PTPRQ: variants seen among roughly 807,000 people sequenced by gnomAD.
The protein encoded by PTPRQ is phosphatidylinositol phosphatase PTPRQ.
In PTPRQ, 199 loss-of-function variants were observed where a neutral mutation model predicts 246.0. The observed-to-expected ratio is 0.81, with a 90% CI of 0.72 to 0.91. PTPRQ has a LOEUF of 0.91. PTPRQ is among the 40% of genes least tolerant of loss of function. The pLI, the probability that PTPRQ is intolerant of heterozygous loss-of-function variation, is 0.00. For synonymous variants in PTPRQ, 869 were observed against 853.2 expected (o/e 1.02, Z -0.32); for missense variants, 2,624 against 2,528.4 (o/e 1.04, Z -0.81).
chr12:80,484,543 A>T lies in PTPRQ; in HGVS notation c.1297A>T (p.Lys433Ter). The T allele has an allele frequency of 6.4e-7, 1 of 1,551,200 alleles. No homozygotes were observed. Among genetic ancestry groups the T allele is most frequent in the South Asian group, 1.2e-5 (1 of 83,948 alleles). The change falls in exon 9 of 45, where the codon AAA becomes TAA. Residue 433 changes from lysine to a stop codon, truncating the protein, a stop_gained. Coordinates refer to ENST00000644991, the MANE Select transcript of PTPRQ (RefSeq NM_001145026.2). LOFTEE classifies it high-confidence loss of function. ...PNGIINQYRV[K>*]VLVPETGIIL... ...TGGAATTATTAACCAATACCGAGTG[A>T]AAGTGCTAGTTCCAGAGACAGGAAT...
rs118082028 is a variant in PTPRQ at position 80,626,707 on chromosome 12, C to G, written c.5686+4573C>G. On this transcript the variant is annotated intron_variant, in intron 33 of 44. Coordinates refer to ENST00000644991, the MANE Select transcript of PTPRQ (RefSeq NM_001145026.2). ...GTACTTGTAACCACTGCACACACTA[C>G]CTGCAAATCACTAAGTCCCCAAGTA... 2.6e-5 allele frequency among the ~76,000 whole-genome samples: 4 copies of G among 152,272 alleles called. No homozygotes were observed. In the East Asian group the frequency reaches 7.7e-4, roughly 29 times the overall value.
At chr12:80,616,532 A>G (rs1328625540) in intron 30 of PTPRQ, among the ~76,000 whole-genome samples, 3 of 151,102 alleles carry the variant, frequency 2.0e-5, no homozygotes, top group Non-Finnish European at 4.4e-5. Context: ...TTTTAAAGAC[A>G]AATTTTATAG....
chr12:80,620,476 G>A, intron 32 of PTPRQ, 100 bp downstream of exon 32: 1 of 1,486,402 alleles, frequency 6.7e-7, no homozygotes, highest in East Asian at 2.5e-5. Flanking sequence ...ATAAGCACTG[G>A]ATGTCCGCCA....
At chr12:80,625,793 G>T (rs530771059) in intron 33 of PTPRQ, among the ~76,000 whole-genome samples, 87 of 152,082 alleles carry the variant, frequency 5.7e-4, no homozygotes, top group African/African-American at 2.0e-3. Context: ...ATTTGATTTC[G>T]TTTTTACTCA....
At chr12:80,518,663 A>G (rs1359810252) in intron 17 of PTPRQ, among the ~76,000 whole-genome samples, 1 of 152,186 alleles carries the variant, frequency 6.6e-6, no homozygotes, top group African/African-American at 2.4e-5. Flanking sequence ...ATATGGTGAA[A>G]GATGGAGGTC....
intron 6 of PTPRQ, among the ~76,000 whole-genome samples, chr12:80,465,719 G>A (rs966278865): frequency 3.3e-5 from 5 of 151,900 alleles, no homozygotes; most frequent in African/African-American, 7.3e-5. Context: ...ATCAATAAAT[G>A]TAATCCAGCA....
In PTPRQ at chr12:80,495,005, C is replaced by T. The variant is rs190634187; in HGVS notation, c.1613C>T (p.Pro538Leu). ...QLSYVIRRLV[P>L]FTEHMISVSA... is the part of the protein sequence containing the mutation. Reference sequence around the variant, plus strand: ...TCTTATGTTATCAGGAGACTTGTACCTTTCACTGAGCACATGATTAGTGTA... The same window carrying T: ...TCTTATGTTATCAGGAGACTTGTACTTTTCACTGAGCACATGATTAGTGTA... Residue 538 changes from proline (P) to leucine (L), a missense_variant, in exon 11 of 45, where the codon CCT becomes CTT. By Grantham distance (98) the Pro-to-Leu change is moderately conservative (BLOSUM62 -3). Transcript: ENST00000644991. The T allele has an allele frequency of 9.0e-6, 14 of 1,550,396 alleles. No individual in the cohort carries two copies. The Admixed American group carries it at 2.4e-4, about 26-fold the overall frequency.
At chr12:80,527,342 A>G (rs1313312542) in intron 17 of PTPRQ, among the ~76,000 whole-genome samples, 1 of 152,130 alleles carries the variant, frequency 6.6e-6, no homozygotes, top group Non-Finnish European at 1.5e-5. Context: ...ATTATACTAT[A>G]CTATTATTGT....
chr12:80,588,168 A>G lies in PTPRQ; in HGVS notation c.4325A>G (p.Gln1442Arg). The G allele has an allele frequency of 6.5e-7, 1 of 1,538,330 alleles. No homozygotes were observed. Among genetic ancestry groups the G allele is most frequent in the Non-Finnish European group, 8.8e-7 (1 of 1,139,964 alleles). ...VPTNIAFSDV[Q>R]STSATLTWIR... ...ACAAATATTGCTTTTTCTGATGTTC[A>G]GTCAACTAGTGCAACATTGACATGG... The change falls in exon 26 of 45, where the codon CAG (glutamine) becomes CGG (arginine). Residue 1442 changes from glutamine to arginine, a missense_variant. Gln to Arg is a conservative substitution (Grantham distance 43). Transcript: ENST00000644991.
At chr12:80,545,297 TAA>T (rs1822372068) in intron 23 of PTPRQ, among the ~76,000 whole-genome samples, 1 of 152,106 alleles carries the variant, frequency 6.6e-6, no homozygotes, top group Non-Finnish European at 1.5e-5. Context: ...ATGACTGAAA[TAA>T]AGAGATTCAG....
At chr12:80,640,263 T>C (rs987437052) in intron 35 of PTPRQ, among the ~76,000 whole-genome samples, 3 of 152,170 alleles carry the variant, frequency 2.0e-5, no homozygotes, top group African/African-American at 7.2e-5. Context: ...TTGCAGGAAC[T>C]GGAAAACTTT....
At chr12:80,605,836 G>T (rs986130608) in intron 27 of PTPRQ, among the ~76,000 whole-genome samples, 1 of 151,072 alleles carries the variant, frequency 6.6e-6, no homozygotes, top group Non-Finnish European at 1.5e-5. Context: ...GTTAAGGGCA[G>T]TGGGGTGCCA....
chr12:80,601,501 A>C (rs1898142482), intron 26 of PTPRQ, among the ~76,000 whole-genome samples: 1 of 151,892 alleles, frequency 6.6e-6, no homozygotes, highest in Non-Finnish European at 1.5e-5. Context: ...GAATGCATAA[A>C]TTTATTCTCA....
chr12:80,598,315 C>G (rs1898035998), intron 26 of PTPRQ, among the ~76,000 whole-genome samples: 2 of 152,048 alleles, frequency 1.3e-5, no homozygotes, highest in Admixed American at 1.3e-4. Context: ...GCGTTTTGGT[C>G]AGCGAAATCA....
chr12:80,620,266 G>A lies in PTPRQ; in HGVS notation c.5502G>A (p.Lys1834=). Reference sequence around the variant, plus strand: ...CTCCATGTACAGAAGGAAAGACAAAGTTTAGTGGCAATGAAGAAATCTACA... The same window carrying A: ...CTCCATGTACAGAAGGAAAGACAAAATTTAGTGGCAATGAAGAAATCTACA... ...PNPPCTEGKT[K]FSGNEEIYII... The change falls in exon 32 of 45, where the codon AAG becomes AAA. Residue 1834 remains lysine, a synonymous_variant. Transcript: ENST00000644991. 6.5e-7 allele frequency: 1 copy of A among 1,549,482 alleles called. No homozygotes were observed. The highest frequency in any genetic ancestry group is 8.7e-7 in the Non-Finnish European group (1 of 1,145,528).
In PTPRQ at chr12:80,496,521, T is replaced by C. The variant is rs1173384659; in HGVS notation, c.2262T>C (p.Thr754=). Residue 754 remains threonine, a synonymous_variant, in exon 14 of 45, where the codon ACT becomes ACC. Transcript: ENST00000644991. ...TATCTTCTTTACTCTCTGTAAGGACTTCGGAGACTGGTGAGCTTTTGTTTT... is the reference window on the plus strand; with the variant it reads ...TATCTTCTTTACTCTCTGTAAGGACCTCGGAGACTGGTGAGCTTTTGTTTT... The part of the protein sequence containing the change: ...NQVSSLLSVR[T]SETVPDSAPE... 1.3e-6 allele frequency: 2 copies of C among 1,524,008 alleles called. No individual in the cohort carries two copies. Among genetic ancestry groups the C allele is most frequent in the African/African-American group, 3.0e-5 (2 of 66,876 alleles). The allele number at this position is 1,524,008 out of a possible 1,614,324, so 94.4% of individuals were successfully genotyped here.
Position 80,493,257 on chromosome 12 carries a change from A to G in PTPRQ, c.1360-18A>G, listed in dbSNP as rs546721524. ...TGTAACTGTCACAGTCTTTTAAAAT[A>G]TCTACTTTTAATTACAGTATATAAA... On this transcript the variant is annotated intron_variant, in intron 9 of 44. Transcript: ENST00000644991. 3.9e-5 allele frequency: 55 copies of G among 1,424,744 alleles called. No homozygotes were observed. In the Middle Eastern group the frequency reaches 7.4e-4, roughly 19 times the overall value. 88.3% of individuals were successfully genotyped at this position (1,424,744 alleles called of 1,614,324 possible).
At chr12:80,469,169 A>G (rs1782191387) in intron 7 of PTPRQ, among the ~76,000 whole-genome samples, 1 of 152,192 alleles carries the variant, frequency 6.6e-6, no homozygotes, top group South Asian at 2.1e-4. Context: ...ATGAAGAACA[A>G]TGGACTTTGA....
rs1260228862 is a variant in PTPRQ, at chr12:80,541,760, T to A, written c.3360T>A (p.Asp1120Glu). 2 of 1,551,070 alleles carry A rather than the reference T, an allele frequency of 1.3e-6. No individual in the cohort carries two copies. The highest frequency in any genetic ancestry group is 1.7e-6 in the Non-Finnish European group (2 of 1,146,586). ...IYFDNLEKYT[D>E]YILKITPSTE... ...TTGATAATCTGGAAAAATACACTGA[T>A]TATATATTAAAAATTACTCCATCAA... Residue 1120 changes from aspartate (D) to glutamate (E), a missense_variant, in exon 21 of 45, where the codon GAT becomes GAA. By Grantham distance (45) the Asp-to-Glu change is conservative (BLOSUM62 2). Transcript: ENST00000644991.
Sources: gnomAD v4.1 joint callset for allele counts (sites outside exome capture counted in the v4.1 genomes callset) on GRCh38, gnomAD v4.1.1 for gene constraint, MANE v1.5 for transcripts, NCBI Gene and HGNC (gene_info 2026-07-23, HGNC 2026-07-21) for gene names.